Variants in PHYH observed in about 807,000 individuals in gnomAD.
PHYH encodes the protein phytanoyl-CoA 2-hydroxylase.
A neutral mutation model predicts 38.5 loss-of-function variants in PHYH; 32 were observed. The observed-to-expected ratio is 0.83, with a 90% confidence interval of 0.63 to 1.12. The LOEUF (loss-of-function observed/expected upper bound fraction) is 1.12, where lower values mean the gene tolerates loss of function less well. Among genes scored for constraint, PHYH ranks in the 50% most tolerant of loss-of-function variants. PHYH has a pLI of 0.00. For missense variants in PHYH, 426 were observed against 434.8 expected, an observed-to-expected ratio of 0.98 and a Z score of 0.18; for synonymous variants, 166 against 157.9, an observed-to-expected ratio of 1.05 and a Z score of -0.38.
intron 8 of PHYH, among the ~76,000 whole-genome samples, chr10:13,279,369 T>C (rs1466789254): frequency 1.3e-5 from 2 of 152,326 alleles, no homozygotes; most frequent in East Asian, 3.9e-4. Flanking sequence ...ATAGTGAACA[T>C]GGTATCAAGG....
intron 3 of PHYH, 88 bp downstream of exon 3, chr10:13,295,408 C>A: frequency 1.3e-6 from 1 of 776,600 alleles, no homozygotes; most frequent in Non-Finnish European, 2.3e-6. Flanking sequence ...TAAAAAACAT[C>A]TGTAAAGCCA....
chr10:13,282,123 T>C (rs1835427053), intron 7 of PHYH, among the ~76,000 whole-genome samples: 1 of 152,108 alleles, frequency 6.6e-6, no homozygotes. Flanking sequence ...TGGTCATGCA[T>C]GCCTGTAGTC....
chr10:13,298,047 A>C, intron 2 of PHYH, 140 bp downstream of exon 2: 2 of 630,764 alleles, frequency 3.2e-6, no homozygotes, highest in Non-Finnish European at 5.7e-6. Context: ...CAAGTGCACT[A>C]ATTAGAATAA....
intron 2 of PHYH, 51 bp from the exon 3 acceptor site, chr10:13,295,657 T>C (rs1047383761): frequency 7.3e-6 from 6 of 824,030 alleles, no homozygotes; most frequent in Non-Finnish European, 1.3e-5. Flanking sequence ...AATTACAGGC[T>C]AGGCACAATG....
At chr10:13,298,898 C>T (rs1832656303) in intron 1 of PHYH, among the ~76,000 whole-genome samples, 1 of 135,174 alleles carries the variant, frequency 7.4e-6, no homozygotes, top group African/African-American at 2.7e-5. Flanking sequence ...TCCAGCCTGA[C>T]CACAGAGCAA....
rs180770135 is a variant in PHYH at position 13,278,254 on chromosome 10, C to T, written c.*47G>A. 543 of 1,240,320 alleles carry T rather than the reference C, an allele frequency of 4.4e-4. 3 individuals carry two copies. The African/African-American group carries it at 5.8e-3, about 13-fold the overall frequency. 76.8% of individuals were successfully genotyped at this position (1,240,320 alleles called of 1,614,324 possible). On this transcript the variant is annotated 3_prime_UTR_variant, in exon 9 of 9. Transcript: ENST00000263038. ...AAGAAAACATTTTCCTTAGACATTT[C>T]GTTTGGTTTTGGTTTTCTGTTGAAA...
At chr10:13,281,198 T>C (rs1425362553) in intron 7 of PHYH, 88 bp from the exon 8 acceptor site, 1 of 1,326,068 alleles carries the variant, frequency 7.5e-7, no homozygotes, top group Non-Finnish European at 1.1e-6. Flanking sequence ...AGAAAGTCAT[T>C]TATTTCACTC....
chr10:13,293,049 C>A (rs1332260602), intron 4 of PHYH, among the ~76,000 whole-genome samples: 3 of 151,962 alleles, frequency 2.0e-5, no homozygotes, highest in Non-Finnish European at 4.4e-5. Context: ...TGCTTCCTCA[C>A]TTTTTGATCT....
intron 6 of PHYH, among the ~76,000 whole-genome samples, chr10:13,287,414 C>T (rs1835580393): frequency 6.6e-6 from 1 of 152,130 alleles, no homozygotes; most frequent in South Asian, 2.1e-4. Context: ...AAAAAGTTCC[C>T]ATTCTTCCCC....
rs1240374180 is a variant in PHYH, at chr10:13,277,995, TAAAGA to T, written c.*301_*305del. The T allele has an allele frequency of 1.2e-4, 47 of 378,698 alleles. No individual in the cohort carries two copies. In the East Asian group the frequency reaches 2.9e-3, roughly 23 times the overall value. 23.5% of individuals were successfully genotyped at this position (378,698 alleles called of 1,614,324 possible). ...TCCAAATCATTCACTTCTTCTTGGGTAAAGAGCTAACTGAATGAAAGAAATTGATT... is the reference window on the plus strand; with the variant it reads ...TCCAAATCATTCACTTCTTCTTGGGTGCTAACTGAATGAAAGAAATTGATT... On this transcript the variant is annotated 3_prime_UTR_variant, in exon 9 of 9. Coordinates refer to ENST00000263038, the MANE Select transcript of PHYH (RefSeq NM_006214.4).
chr10:13,291,887 G>A lies in PHYH; in HGVS notation c.440C>T (p.Thr147Ile), dbSNP rs748450500. 5.6e-6 allele frequency: 9 copies of A among 1,607,550 alleles called. No homozygotes were observed. Among genetic ancestry groups the A allele is most frequent in the Admixed American group, 3.3e-5 (2 of 59,934 alleles). Reference sequence around the variant, plus strand: ...GTGCATGGCCATAATATTAGGTCCAGTGAAGCACTCCACATATTTCAGAAT... The same window carrying A: ...GTGCATGGCCATAATATTAGGTCCAATGAAGCACTCCACATATTTCAGAAT... ...PEILKYVECF[T>I]GPNIMAMHTM... The change falls in exon 5 of 9, where the codon ACT (threonine) becomes ATT (isoleucine). Residue 147 changes from threonine (T) to isoleucine (I), a missense_variant. Coordinates refer to ENST00000263038, the MANE Select transcript of PHYH (RefSeq NM_006214.4).
intron 7 of PHYH, among the ~76,000 whole-genome samples, chr10:13,282,838 C>CT (rs1212444083): frequency 6.6e-6 from 1 of 151,914 alleles, no homozygotes; most frequent in Non-Finnish European, 1.5e-5. Flanking sequence ...ATTGCAGAGT[C>CT]TTTTTTTGGC....
rs1431214255 is a variant in PHYH, at chr10:13,299,998, G to T, written c.45C>A (p.Gly15=). The T allele has an allele frequency of 6.5e-7, 1 of 1,532,758 alleles. No homozygotes were observed. The highest frequency in any genetic ancestry group is 1.2e-5 in the South Asian group (1 of 83,226). 94.9% of individuals were successfully genotyped at this position (1,532,758 alleles called of 1,614,324 possible). Residue 15 remains glycine (G), a synonymous_variant, in exon 1 of 9, where the codon GGC becomes GGA. Coordinates refer to ENST00000263038, the MANE Select transcript of PHYH (RefSeq NM_006214.4). The part of the protein sequence containing the change: ...RAAARLQIVL[G]HLGRPSAGAV... ...CCCCGGCCGAGGGGCGGCCGAGGTG[G>T]CCCAGAACAATCTGCAGACGGGCGG...
At chr10:13,285,594 ATCTTT>A (rs1437358972) in intron 6 of PHYH, among the ~76,000 whole-genome samples, 1 of 140,860 alleles carries the variant, frequency 7.1e-6, no homozygotes, top group African/African-American at 2.6e-5. Context: ...GGATTCCAGG[ATCTTT>A]TCTTTTCTTT....
At position 13,294,279 on chromosome 10, in the gene PHYH, T is replaced by C. The variant is rs550729725; in HGVS notation, c.414+149A>G. On this transcript the variant is annotated intron_variant, in intron 4 of 8. Coordinates refer to ENST00000263038, the MANE Select transcript of PHYH (RefSeq NM_006214.4). Reference sequence around the variant, plus strand: ...CCATATCCAGCTCTAAGAGCAGTGGTTCCTGGGATCAAGCGATCCACCTGC... The same window carrying C: ...CCATATCCAGCTCTAAGAGCAGTGGCTCCTGGGATCAAGCGATCCACCTGC... 82 of 714,878 alleles carry C rather than the reference T, an allele frequency of 1.1e-4. No individual in the cohort carries two copies. The African/African-American group carries it at 1.3e-3, about 12-fold the overall frequency. 44.3% of individuals were successfully genotyped at this position (714,878 alleles called of 1,614,324 possible).
chr10:13,295,915 C>T (rs1432610367), intron 2 of PHYH, among the ~76,000 whole-genome samples: 1 of 151,442 alleles, frequency 6.6e-6, no homozygotes, highest in East Asian at 1.9e-4. Context: ...TGCCTATAAT[C>T]CCAGCACTTT....
At chr10:13,294,666 G>T in intron 3 of PHYH, 70 bp from the exon 4 acceptor site, 1 of 1,396,608 alleles carries the variant, frequency 7.2e-7, no homozygotes, top group Non-Finnish European at 1.0e-6. Flanking sequence ...CTCCTCTGTG[G>T]AAAGGGTTGC....
intron 1 of PHYH, 29 bp from the exon 2 acceptor site, chr10:13,298,274 A>G (rs201296425): frequency 1.4e-6 from 2 of 1,474,854 alleles, no homozygotes; most frequent in African/African-American, 2.8e-5. Context: ...CAAATAAAGT[A>G]AAATATAGAA....
intron 5 of PHYH, among the ~76,000 whole-genome samples, chr10:13,290,336 C>A (rs183226818): frequency 6.6e-6 from 1 of 151,838 alleles, no homozygotes; most frequent in South Asian, 2.1e-4. Flanking sequence ...GAGGTCCTCA[C>A]CCCCCACAAC....
Sources: gnomAD v4.1 joint callset for allele counts (sites outside exome capture counted in the v4.1 genomes callset) on GRCh38, gnomAD v4.1.1 for gene constraint, MANE v1.5 for transcripts, NCBI Gene and HGNC (gene_info 2026-07-23, HGNC 2026-07-21) for gene names.